The following RAD52 variants were observed in gnomAD, a reference collection of about 807,000 sequenced individuals.
RAD52 encodes the protein DNA repair protein RAD52 homolog.
A neutral mutation model predicts 55.5 loss-of-function variants in RAD52; 47 were observed. The observed-to-expected ratio is 0.85, with a 90% CI of 0.67 to 1.08. The LOEUF (loss-of-function observed/expected upper bound fraction) is 1.08, where lower values mean the gene tolerates loss of function less well. RAD52 is among the 50% of genes least tolerant of loss of function. The probability of loss-of-function intolerance (pLI) is 0.00; values close to 1 mark genes in which losing one functional copy is unlikely to be tolerated. For missense variants in RAD52, 468 were observed against 522.8 expected (o/e 0.90, Z 1.02); for synonymous variants, 184 against 198.9 (o/e 0.92, Z 0.63).
intron 7 of RAD52, among the ~76,000 whole-genome samples, chr12:917,939 C>CA (rs1565650990): frequency 6.6e-6 from 1 of 151,602 alleles, no homozygotes; most frequent in Non-Finnish European, 1.5e-5. Flanking sequence ...GACTGTGTCT[C>CA]AAAAAAAAGA....
upstream of RAD52, chr12:990,934 C>CGT (rs758442595): frequency 0.16 from 16,110 of 99,246 alleles, 1,183 homozygotes; most frequent in African/African-American, 0.25. Flanking sequence ...CCGCAGGGGT[C>CGT]GTGTGTGTGT....
At chr12:978,071 TGTCCCACAGACTGG>T (rs1565713469) in intron 1 of RAD52, among the ~76,000 whole-genome samples, 1 of 152,240 alleles carries the variant, frequency 6.6e-6, no homozygotes, top group Non-Finnish European at 1.5e-5. Context: ...TCTTATAGAA[TGTCCCACAGACTGG>T]CTACTGAGAT....
chr12:973,066 G>A (rs1475794841), intron 1 of RAD52, among the ~76,000 whole-genome samples: 4 of 152,040 alleles, frequency 2.6e-5, no homozygotes, highest in South Asian at 4.1e-4. Flanking sequence ...AACCAGTTAG[G>A]AAACTTTTCT....
At chr12:937,080 G>T (rs570296016) in intron 1 of RAD52, among the ~76,000 whole-genome samples, 2 of 152,150 alleles carry the variant, frequency 1.3e-5, no homozygotes, top group South Asian at 2.1e-4. Context: ...GTGCCATGAA[G>T]CAAACCTTTT....
chr12:961,858 G>A (rs1290358173), intron 1 of RAD52, among the ~76,000 whole-genome samples: 1 of 151,934 alleles, frequency 6.6e-6, no homozygotes, highest in Non-Finnish European at 1.5e-5. Context: ...GTGAGACCCT[G>A]TATCTAAAAA....
At chr12:920,512 GCAC>G (rs1211640810) in intron 7 of RAD52, among the ~76,000 whole-genome samples, 2 of 149,218 alleles carry the variant, frequency 1.3e-5, no homozygotes, top group East Asian at 2.0e-4. Context: ...AGCTGAGATC[GCAC>G]CGCCACTGCA....
intron 1 of RAD52, among the ~76,000 whole-genome samples, 165 bp from the exon 2 acceptor site, chr12:933,241 A>G (rs1957435539): frequency 6.6e-6 from 1 of 151,934 alleles, no homozygotes; most frequent in African/African-American, 2.4e-5. Flanking sequence ...GGTGGATCAC[A>G]AGGTCAGGAG....
intron 1 of RAD52, among the ~76,000 whole-genome samples, chr12:981,739 A>G (rs1253354014): frequency 7.0e-6 from 1 of 143,062 alleles, no homozygotes; most frequent in Non-Finnish European, 1.5e-5. Context: ...CCTGGGCGAC[A>G]GAATGAGTGA....
chr12:970,845 TA>T (rs1312857303), intron 1 of RAD52, among the ~76,000 whole-genome samples: 1 of 152,152 alleles, frequency 6.6e-6, no homozygotes, highest in African/African-American at 2.4e-5. Flanking sequence ...TTCTCATCAA[TA>T]ACCAAAGCCA....
chr12:959,833 G>A (rs1958659661), intron 1 of RAD52, among the ~76,000 whole-genome samples: 1 of 152,176 alleles, frequency 6.6e-6, no homozygotes, highest in Non-Finnish European at 1.5e-5. Context: ...CTTCTGGGTG[G>A]TTAAGCTGAA....
At chr12:926,909 A>G in intron 6 of RAD52, 1 of 1,537,112 alleles carries the variant, frequency 6.5e-7, no homozygotes, top group Non-Finnish European at 8.7e-7. Flanking sequence ...GAGAAGAGAG[A>G]GTACAGGATT....
intron 5 of RAD52, 47 bp from the exon 6 acceptor site, chr12:927,310 G>T: frequency 1.5e-6 from 2 of 1,347,230 alleles, no homozygotes; most frequent in Non-Finnish European, 2.1e-6. Flanking sequence ...AGCGGCAGGC[G>T]TGCCACAACT....
upstream of RAD52, among the ~76,000 whole-genome samples, chr12:953,391 T>A (rs1958562154): frequency 6.6e-6 from 1 of 152,046 alleles, no homozygotes; most frequent in Non-Finnish European, 1.5e-5. Flanking sequence ...TTGCAGTCAT[T>A]ATGCCAGAAG....
intron 1 of RAD52, among the ~76,000 whole-genome samples, chr12:943,976 G>A (rs1047502325): frequency 1.3e-5 from 2 of 152,106 alleles, no homozygotes; most frequent in African/African-American, 2.4e-5. Context: ...AGCACTTTGG[G>A]AGGCTGAGGC....
In RAD52 at chr12:914,472, A is replaced by G. The variant is rs2154107681; in HGVS notation, c.926T>C (p.Leu309Pro). 2 of 1,613,718 alleles carry G rather than the reference A, an allele frequency of 1.2e-6. No individual in the cohort carries two copies. Among genetic ancestry groups the G allele is most frequent in the Non-Finnish European group, 1.7e-6 (2 of 1,179,824 alleles). Reference protein sequence around the residue: ...STPVTVSEPLLEKDFLAGVTQ... With the variant: ...STPVTVSEPLPEKDFLAGVTQ... ...CACTCCTGCAAGGAAGTCTTTCTCCAGGAGTGGTTCTGAGACAGTTACAGG... is the reference window on the plus strand; with the variant it reads ...CACTCCTGCAAGGAAGTCTTTCTCCGGGAGTGGTTCTGAGACAGTTACAGG... Residue 309 changes from leucine (L) to proline (P), a missense_variant, in exon 10 of 12, where the codon CTG becomes CCG. Transcript: ENST00000358495.
chr12:932,825 TAGGTAAA>T, intron 2 of RAD52, 143 bp downstream of exon 2: 3 of 237,016 alleles, frequency 1.3e-5, no homozygotes, highest in South Asian at 6.1e-5. Flanking sequence ...ACACACGTAC[TAGGTAAA>T]CGTACTAGGT....
chr12:916,295 C>A, intron 9 of RAD52, 49 bp downstream of exon 9: 1 of 1,591,708 alleles, frequency 6.3e-7, no homozygotes, highest in Non-Finnish European at 8.5e-7. Context: ...TGCGGCTACA[C>A]TTCCTCCTGC....
chr12:970,542 T>C (rs1045915085), intron 1 of RAD52, among the ~76,000 whole-genome samples: 5 of 152,234 alleles, frequency 3.3e-5, no homozygotes, highest in Non-Finnish European at 5.9e-5. Context: ...AAGATTCTTT[T>C]TTCAGTTTGA....
chr12:950,065 C>T (rs1958482471), upstream of RAD52, among the ~76,000 whole-genome samples: 1 of 152,158 alleles, frequency 6.6e-6, no homozygotes. Flanking sequence ...ATGCGGGGCC[C>T]GCCCACCCAT....
Sources: allele counts gnomAD v4.1 joint callset (sites outside exome capture counted in the v4.1 genomes callset), GRCh38; gene constraint gnomAD v4.1.1; transcripts MANE v1.5; gene names NCBI Gene and HGNC (gene_info 2026-07-23, HGNC 2026-07-21).